Variants in ZNF277 observed in about 807,000 individuals in gnomAD.
ZNF277 encodes the protein nuclear receptor-interacting factor 4.
ZNF277 carries 55 observed loss-of-function variants against 60.7 expected under a neutral mutation model. That is an observed-to-expected ratio of 0.91 (90% CI 0.73 to 1.13). The LOEUF is 1.13. Among genes scored for constraint, ZNF277 ranks in the 50% most tolerant of loss-of-function variants. The pLI is 0.00. For missense variants in ZNF277, 510 were observed against 523.0 expected (o/e 0.98, Z 0.24); for synonymous variants, 178 against 179.3 (o/e 0.99, Z 0.06).
intron 1 of ZNF277, among the ~76,000 whole-genome samples, chr7:112,265,264 T>G (rs1161547102): frequency 6.6e-6 from 1 of 152,172 alleles, no homozygotes; most frequent in Non-Finnish European, 1.5e-5. Context: ...TTGAGACTCT[T>G]CACTTGAACA....
At chr7:112,328,362 C>G (rs1793145799) in intron 6 of ZNF277, 1 of 152,184 alleles carries the variant, frequency 6.6e-6, no homozygotes, top group African/African-American at 2.4e-5. Context: ...TCCATTTCCT[C>G]AAGGTCATAT....
chr7:112,291,453 G>T (rs1792204496), intron 2 of ZNF277, among the ~76,000 whole-genome samples: 1 of 152,162 alleles, frequency 6.6e-6, no homozygotes, highest in Non-Finnish European at 1.5e-5. Context: ...AATGAAGTAT[G>T]AAATACTTTG....
chr7:112,249,153 C>A (rs1791145787), intron 1 of ZNF277, among the ~76,000 whole-genome samples: 1 of 152,132 alleles, frequency 6.6e-6, no homozygotes, highest in African/African-American at 2.4e-5. Flanking sequence ...TTCAACTGTT[C>A]TGAGCTGTTT....
At chr7:112,269,209 T>G (rs1300871692) in intron 1 of ZNF277, among the ~76,000 whole-genome samples, 1 of 56,300 alleles carries the variant, frequency 1.8e-5, no homozygotes. Context: ...GGATTTTTTT[T>G]GTTTTTTTTT....
intron 1 of ZNF277, among the ~76,000 whole-genome samples, chr7:112,221,372 C>A (rs757283775): frequency 1.6e-4 from 24 of 152,218 alleles, no homozygotes; most frequent in Admixed American, 5.2e-4. Flanking sequence ...TGGAAGCAGC[C>A]TGCCACCATC....
At chr7:112,242,284 A>C (rs377590763) in intron 1 of ZNF277, among the ~76,000 whole-genome samples, 65 of 152,210 alleles carry the variant, frequency 4.3e-4, no homozygotes, top group African/African-American at 1.6e-3. Flanking sequence ...GTAAATGACA[A>C]ACCCACAGCC....
chr7:112,343,405 A>G lies in ZNF277; in HGVS notation c.*676A>G, dbSNP rs1332764020. ...AACATTTAAATGCCATTTTTTAAAA[A>G]CATAACCACAATACCATTATGACAC... On this transcript the variant is annotated 3_prime_UTR_variant, in exon 12 of 12. Coordinates refer to ENST00000361822, the MANE Select transcript of ZNF277 (RefSeq NM_021994.3). Among the ~76,000 whole-genome samples the G allele has an allele frequency of 6.6e-6, 1 of 152,212 alleles. No homozygotes were observed. Among genetic ancestry groups the G allele is most frequent in the Admixed American group, 6.5e-5 (1 of 15,268 alleles).
At position 112,241,102 on chromosome 7, in the gene ZNF277, G is replaced by A. The variant is rs562680385; in HGVS notation, c.91+34295G>A. ...TCGGAGAACGTATTTGCAAACTATC[G>A]TCTGAAAAGGGATTTACGACCAGAA... On this transcript the variant is annotated intron_variant, in intron 1 of 11. Coordinates refer to ENST00000361822, the MANE Select transcript of ZNF277 (RefSeq NM_021994.3). 3.3e-5 allele frequency among the ~76,000 whole-genome samples: 5 copies of A among 151,818 alleles called. No individual in the cohort carries two copies. The East Asian group carries it at 9.7e-4, about 29-fold the overall frequency.
At chr7:112,279,596 G>A (rs545597005) in intron 1 of ZNF277, among the ~76,000 whole-genome samples, 40 of 152,032 alleles carry the variant, frequency 2.6e-4, no homozygotes, top group Non-Finnish European at 4.9e-4. Flanking sequence ...GCTGACCCTT[G>A]AACAATTCAG....
At chr7:112,219,777 A>G (rs1821978993) in intron 1 of ZNF277, among the ~76,000 whole-genome samples, 2 of 152,170 alleles carry the variant, frequency 1.3e-5, no homozygotes, top group Admixed American at 6.5e-5. Flanking sequence ...CTGGGATTAC[A>G]GGTGTGCACC....
rs1175308495 is a variant in ZNF277, at chr7:112,295,937, T to C, written c.362T>C (p.Ile121Thr). ...PITDFCSVIR[I>T]NSTAPFEEQE... ...ACAGATTTTTGTAGTGTAATAAGAA[T>C]TAATTCCACTGCTCCATTTGGTAAG... The change falls in exon 3 of 12, where the codon ATT becomes ACT. Residue 121 changes from isoleucine to threonine, a missense_variant. Coordinates refer to ENST00000361822, the MANE Select transcript of ZNF277 (RefSeq NM_021994.3). The C allele has an allele frequency of 1.9e-6, 3 of 1,611,672 alleles. No individual in the cohort carries two copies. The Admixed American group carries it at 5.0e-5, about 27-fold the overall frequency.
chr7:112,327,580 T>A lies in ZNF277; in HGVS notation c.558-137T>A, dbSNP rs984704126. 7 of 652,902 alleles carry A rather than the reference T, an allele frequency of 1.1e-5. No homozygotes were observed. The Admixed American group carries it at 1.5e-4, about 14-fold the overall frequency. 40.4% of individuals were successfully genotyped at this position (652,902 alleles called of 1,614,324 possible). Reference sequence around the variant, plus strand: ...CATACTTTATAATGTCACTCTTTAATAGCTGAAATCTTTGTGTTAGTGCTT... The same window carrying A: ...CATACTTTATAATGTCACTCTTTAAAAGCTGAAATCTTTGTGTTAGTGCTT... On this transcript the variant is annotated intron_variant, in intron 5 of 11. Transcript: ENST00000361822.
intron 1 of ZNF277, among the ~76,000 whole-genome samples, chr7:112,232,776 A>G (rs191388267): frequency 1.3e-4 from 20 of 152,272 alleles, no homozygotes; most frequent in Admixed American, 2.0e-4. Flanking sequence ...AGTTTTATCT[A>G]TGGTCAGTGG....
At chr7:112,250,309 A>G (rs983948239) in intron 1 of ZNF277, among the ~76,000 whole-genome samples, 1 of 152,204 alleles carries the variant, frequency 6.6e-6, no homozygotes, top group Admixed American at 6.5e-5. Context: ...TCTCCTGATA[A>G]GATGTTATCA....
At chr7:112,277,885 C>G (rs2117047874) in intron 1 of ZNF277, among the ~76,000 whole-genome samples, 1 of 152,240 alleles carries the variant, frequency 6.6e-6, no homozygotes, top group African/African-American at 2.4e-5. Flanking sequence ...AAATCTATTG[C>G]TAAAACATAT....
chr7:112,271,273 G>A (rs937257542), intron 1 of ZNF277, among the ~76,000 whole-genome samples: 3 of 151,912 alleles, frequency 2.0e-5, no homozygotes, highest in Non-Finnish European at 2.9e-5. Context: ...ATTTAATACC[G>A]TATCCAAAAT....
chr7:112,296,177 G>T, intron 3 of ZNF277, 52 bp from the exon 4 acceptor site: 1 of 1,284,512 alleles, frequency 7.8e-7, no homozygotes, highest in South Asian at 1.3e-5. Context: ...TCCTTCTGGG[G>T]AAAAAATGGT....
At chr7:112,249,611 G>A (rs905120143) in intron 1 of ZNF277, among the ~76,000 whole-genome samples, 2 of 152,166 alleles carry the variant, frequency 1.3e-5, no homozygotes, top group Non-Finnish European at 2.9e-5. Flanking sequence ...GAGTATTGCG[G>A]GAAGTCAGGG....
At chr7:112,234,757 A>T (rs1587100835) in intron 1 of ZNF277, among the ~76,000 whole-genome samples, 1 of 151,784 alleles carries the variant, frequency 6.6e-6, no homozygotes, top group African/African-American at 2.4e-5. Context: ...TCAAATTATT[A>T]TATTTTTATT....
Sources: allele counts gnomAD v4.1 joint callset (sites outside exome capture counted in the v4.1 genomes callset), GRCh38; gene constraint gnomAD v4.1.1; transcripts MANE v1.5; gene names NCBI Gene and HGNC (gene_info 2026-07-23, HGNC 2026-07-21).